Variants in UBE4A observed in about 807,000 individuals in gnomAD.
UBE4A encodes the protein ubiquitin conjugation factor E4 A.
UBE4A carries 48 observed loss-of-function variants against 117.9 expected under a neutral mutation model. That is an observed-to-expected ratio of 0.41 (90% confidence interval 0.32 to 0.52). The LOEUF (loss-of-function observed/expected upper bound fraction) is 0.52, where lower values mean the gene tolerates loss of function less well. Ranked by LOEUF, UBE4A falls within the 20% of genes least tolerant of loss-of-function variation. The pLI is 0.33. For synonymous variants in UBE4A, 407 were observed against 450.0 expected, an observed-to-expected ratio of 0.90 and a Z score of 1.21; for missense variants, 1,067 against 1,296.3, an observed-to-expected ratio of 0.82 and a Z score of 2.72.
At chr11:118,363,606 C>CTTTTTT (rs199847839) in intron 1 of UBE4A, among the ~76,000 whole-genome samples, 22 of 122,842 alleles carry the variant, frequency 1.8e-4, no homozygotes, top group Non-Finnish European at 2.5e-4. Flanking sequence ...ACCACATTAG[C>CTTTTTT]TTTTTTTTTT....
At position 118,364,016 on chromosome 11, in the gene UBE4A, C is replaced by G. The variant is rs537380848; in HGVS notation, c.-41-1024C>G. On this transcript the variant is annotated intron_variant, in intron 1 of 19. Transcript: ENST00000252108. Reference sequence around the variant, plus strand: ...TTTTTCTTCCTTTATACCCCTACTCCCGCTATTTCTAAGGTCTCTGTCCTT... The same window carrying G: ...TTTTTCTTCCTTTATACCCCTACTCGCGCTATTTCTAAGGTCTCTGTCCTT... 9.9e-5 allele frequency among the ~76,000 whole-genome samples: 15 copies of G among 152,200 alleles called. 1 individual carries two copies. In the South Asian group the frequency reaches 1.5e-3, roughly 15 times the overall value.
intron 2 of UBE4A, among the ~76,000 whole-genome samples, chr11:118,368,085 A>C (rs1215653518): frequency 3.9e-5 from 6 of 152,188 alleles, no homozygotes; most frequent in Non-Finnish European, 8.8e-5. Flanking sequence ...TGCTGATTAA[A>C]AGGCAAGCTG....
At chr11:118,380,136 T>TGTGC (rs1948690438) in intron 11 of UBE4A, among the ~76,000 whole-genome samples, 2 of 24,322 alleles carry the variant, frequency 8.2e-5, no homozygotes, top group Admixed American at 5.0e-4. Context: ...TGTGTGTGCG[T>TGTGC]GTGTGTGTGT....
rs1555129921 is a variant in UBE4A, at chr11:118,397,029, G to T, written c.*589G>T. 1 of 152,124 alleles carries T rather than the reference G, an allele frequency of 6.6e-6. No homozygotes were observed. Among genetic ancestry groups the T allele is most frequent in the Non-Finnish European group, 1.5e-5 (1 of 68,066 alleles). 9.4% of individuals were successfully genotyped at this position (152,124 alleles called of 1,614,324 possible). On this transcript the variant is annotated 3_prime_UTR_variant, in exon 20 of 20. Coordinates refer to ENST00000252108, the MANE Select transcript of UBE4A (RefSeq NM_001204077.2). ...ATAGACGAGAATTTTTTTTAAAAAA[G>T]GAATTTAAAGGAATCTTGTGCAACT...
intron 16 of UBE4A, 85 bp from the exon 17 acceptor site, chr11:118,389,640 C>G: frequency 8.0e-7 from 1 of 1,251,740 alleles, no homozygotes; most frequent in Non-Finnish European, 1.1e-6. Context: ...AACAGTAGTT[C>G]CCAGAGGTCT....
At position 118,389,811 on chromosome 11, in the gene UBE4A, A is replaced by C. The variant is rs1555127928; in HGVS notation, c.2674A>C (p.Lys892Gln). The C allele has an allele frequency of 2.5e-6, 4 of 1,614,036 alleles. No homozygotes were observed. The highest frequency in any genetic ancestry group is 3.4e-6 in the Non-Finnish European group (4 of 1,179,916). ...NYFLQHLVGPKMGALKVKDFS... is the reference protein window; with the variant it reads ...NYFLQHLVGPQMGALKVKDFS... Reference sequence around the variant, plus strand: ...CTTCCTGCAACACCTGGTTGGCCCCAAGATGGGTGCCTTAAAAGTCAAGGA... The same window carrying C: ...CTTCCTGCAACACCTGGTTGGCCCCCAGATGGGTGCCTTAAAAGTCAAGGA... Residue 892 changes from lysine (K) to glutamine (Q), a missense_variant, in exon 17 of 20, where the codon AAG (lysine) becomes CAG (glutamine). Coordinates refer to ENST00000252108, the MANE Select transcript of UBE4A (RefSeq NM_001204077.2).
intron 15 of UBE4A, 111 bp from the exon 16 acceptor site, chr11:118,386,327 T>C: frequency 8.5e-7 from 1 of 1,177,304 alleles, no homozygotes; most frequent in Admixed American, 3.0e-5. Context: ...TTTTACATGG[T>C]CCCTCGTTTT....
intron 1 of UBE4A, among the ~76,000 whole-genome samples, chr11:118,360,571 A>G (rs966871576): frequency 6.6e-6 from 1 of 152,234 alleles, no homozygotes; most frequent in Non-Finnish European, 1.5e-5. Context: ...TTGCCAGGAC[A>G]CAGACCTTAT....
At chr11:118,363,115 T>C (rs563506760) in intron 1 of UBE4A, among the ~76,000 whole-genome samples, 1 of 152,336 alleles carries the variant, frequency 6.6e-6, no homozygotes, top group Non-Finnish European at 1.5e-5. Context: ...TGTTTTTACA[T>C]TAACTACAGG....
In UBE4A at chr11:118,396,598, TGATA is replaced by T. The variant is rs2134118810; in HGVS notation, c.*160_*163del. 2.3e-6 allele frequency: 2 copies of T among 873,990 alleles called. No homozygotes were observed. Among genetic ancestry groups the T allele is most frequent in the Non-Finnish European group, 3.2e-6 (2 of 625,388 alleles). 54.1% of individuals were successfully genotyped at this position (873,990 alleles called of 1,614,324 possible). On this transcript the variant is annotated 3_prime_UTR_variant, in exon 20 of 20. Transcript: ENST00000252108. ...TAGAGAACTGCTCTTGCTGAAATTA[TGATA>T]GTTAAGATTCCTAAGAACTTGACAA...
At position 118,373,524 on chromosome 11, in the gene UBE4A, C is replaced by CCTA. The variant is rs757864843; in HGVS notation, c.957_959dup (p.Thr320dup). 6.2e-7 allele frequency: 1 copy of CCTA among 1,614,054 alleles called. No homozygotes were observed. The highest frequency in any genetic ancestry group is 8.5e-7 in the Non-Finnish European group (1 of 1,179,958). The stretch of plus-strand genomic sequence containing the variant: ...TGTAGAATACATTCAGCCCAAGGAC[C>CCTA]CTACCAATGGGCAAATGTACCAGAA... On this transcript the variant is annotated inframe_insertion, in exon 8 of 20. Coordinates refer to ENST00000252108, the MANE Select transcript of UBE4A (RefSeq NM_001204077.2).
rs542029660 is a variant in UBE4A at position 118,386,291 on chromosome 11, T to C, written c.2413-147T>C. ...TGAAAGTTCTTTTGAGCTTCAGCCT[T>C]ATGCTGAGAAATAAAGGCTCATGTC... On this transcript the variant is annotated intron_variant, in intron 15 of 19. Transcript: ENST00000252108. 65 of 863,968 alleles carry C rather than the reference T, an allele frequency of 7.5e-5. No individual in the cohort carries two copies. In the African/African-American group the frequency reaches 9.9e-4, roughly 13 times the overall value. 53.5% of individuals were successfully genotyped at this position (863,968 alleles called of 1,614,324 possible). A position where few individuals can be genotyped will look rare whatever the true frequency, so the allele number is the denominator to read the frequency against.
rs755980094 is a variant in UBE4A, at chr11:118,373,105, G to C, written c.741G>C (p.Glu247Asp). ...IQGAHFEDVT[E>D]FLEEVIEALI... ...TGTTAGATTTTGAAGATGTAACTGA[G>C]TTTCTGGAAGAGGTCATTGAAGCCT... The change falls in exon 7 of 20, where the codon GAG (glutamate) becomes GAC (aspartate). Residue 247 changes from glutamate to aspartate, a missense_variant. By Grantham distance (45) the Glu-to-Asp change is conservative (BLOSUM62 2). Around this residue, in one of 3 missense-constraint regions of UBE4A, gnomAD observed 1,001 missense variants for 1,184.0 expected, o/e 0.85. Transcript: ENST00000252108. 1 of 1,613,992 alleles carries C rather than the reference G, an allele frequency of 6.2e-7. No homozygotes were observed. The highest frequency in any genetic ancestry group is 2.2e-5 in the East Asian group (1 of 44,850).
Position 118,372,560 on chromosome 11 carries a change from C to T in UBE4A, c.615C>T (p.Leu205=), listed in dbSNP as rs769261391. 10 of 1,613,960 alleles carry T rather than the reference C, an allele frequency of 6.2e-6. No individual in the cohort carries two copies. The African/African-American group carries it at 1.1e-4, about 17-fold the overall frequency. The change falls in exon 6 of 20, where the codon CTC becomes CTT. Residue 205 remains leucine, a synonymous_variant. Transcript: ENST00000252108. ...CCTTTGCAGTGCAGTGCAGAAACCT[C>T]ACTGTGTCCAATACCCGAACAGTTC... ...LLPFAVQCRN[L]TVSNTRTVLL...
Position 118,386,578 on chromosome 11 carries a change from T to A in UBE4A, c.2553T>A (p.Asn851Lys). ...QLARFHNIMS[N>K]ETIGTLAFLT... ...CACGTTTCCATAACATCATGTCCAA[T>A]GAAACAATCGGTACCCTTGCCTTTC... The change falls in exon 16 of 20, where the codon AAT (asparagine) becomes AAA (lysine). Residue 851 changes from asparagine to lysine, a missense_variant. Asn to Lys is a moderately conservative substitution (Grantham distance 94, BLOSUM62 0). Coordinates refer to ENST00000252108, the MANE Select transcript of UBE4A (RefSeq NM_001204077.2). 6.3e-7 allele frequency: 1 copy of A among 1,590,352 alleles called. No homozygotes were observed. The highest frequency in any genetic ancestry group is 8.5e-7 in the Non-Finnish European group (1 of 1,171,794).
intron 4 of UBE4A, 130 bp from the exon 5 acceptor site, chr11:118,371,384 T>G: frequency 8.4e-7 from 1 of 1,189,228 alleles, no homozygotes; most frequent in Non-Finnish European, 1.2e-6. Context: ...AGGGCCCTTT[T>G]TTTCTCCTTC....
chr11:118,362,808 C>T (rs1948530754), intron 1 of UBE4A, among the ~76,000 whole-genome samples: 1 of 152,190 alleles, frequency 6.6e-6, no homozygotes. Flanking sequence ...GTTAGGCCTC[C>T]ATAGTGTCTT....
In UBE4A at chr11:118,389,876, A is replaced by G; in HGVS notation, c.2739A>G (p.Ser913=). ...ACTTCAAACCCCAGCAGCTTGTATC[A>G]GATATCTGCACTATCTACTTAAATC... ...EFDFKPQQLV[S]DICTIYLNLG... Residue 913 remains serine (S), a synonymous_variant, in exon 17 of 20, where the codon TCA becomes TCG. Coordinates refer to ENST00000252108, the MANE Select transcript of UBE4A (RefSeq NM_001204077.2). 2 of 1,612,546 alleles carry G rather than the reference A, an allele frequency of 1.2e-6. No individual in the cohort carries two copies. Among genetic ancestry groups the G allele is most frequent in the Non-Finnish European group, 1.7e-6 (2 of 1,178,714 alleles).
At chr11:118,361,318 C>T (rs138676606) in intron 1 of UBE4A, among the ~76,000 whole-genome samples, 15 of 152,078 alleles carry the variant, frequency 9.9e-5, no homozygotes, top group East Asian at 1.9e-4. Context: ...CTGCGCCCGG[C>T]GCTGAAAATA....
Sources: gnomAD v4.1 joint callset for allele counts (sites outside exome capture counted in the v4.1 genomes callset) on GRCh38, gnomAD v4.1.1 for gene constraint, gnomAD v4.1.1 regional missense constraint, MANE v1.5 for transcripts, NCBI Gene and HGNC (gene_info 2026-07-23, HGNC 2026-07-21) for gene names.